EPHB6: variants seen among roughly 807,000 people sequenced by gnomAD.
EPHB6 encodes the protein ephrin type-B receptor 6.
EPHB6 carries 51 observed loss-of-function variants against 107.0 expected under a neutral mutation model. The observed-to-expected ratio is 0.48, with a 90% CI of 0.38 to 0.60. The LOEUF (loss-of-function observed/expected upper bound fraction) is 0.60, where lower values mean the gene tolerates loss of function less well. EPHB6 is among the 20% of genes least tolerant of loss of function. The pLI, the probability that EPHB6 is intolerant of heterozygous loss-of-function variation, is 0.00. For missense variants in EPHB6, 1,141 were observed against 1,355.5 expected, an observed-to-expected ratio of 0.84 and a Z score of 2.48; for synonymous variants, 553 against 549.0, an observed-to-expected ratio of 1.01 and a Z score of -0.10.
At chr7:142,863,390 TG>T in intron 5 of EPHB6, 63 bp downstream of exon 5, 1 of 1,509,306 alleles carries the variant, frequency 6.6e-7, no homozygotes, top group Non-Finnish European at 9.2e-7. Flanking sequence ...AAGGGGGAAG[TG>T]GGAAAGATTT....
In EPHB6 at chr7:142,863,291, G is replaced by A. The variant is rs1280083646; in HGVS notation, c.64G>A (p.Val22Met). ...GGCGGGCATGGTGTGTAGCCTATGGGTGCTGCTCCTGGTGTCTTCAGTTCT... is the reference window on the plus strand; with the variant it reads ...GGCGGGCATGGTGTGTAGCCTATGGATGCTGCTCCTGGTGTCTTCAGTTCT... Reference protein sequence around the residue: ...RVAGMVCSLWVLLLVSSVLAL... With the variant: ...RVAGMVCSLWMLLLVSSVLAL... The change falls in exon 5 of 20, where the codon GTG becomes ATG. Residue 22 changes from valine (V) to methionine (M), a missense_variant. This residue lies in a region of EPHB6 where 221 missense variants were observed against 300.5 expected (regional missense o/e 0.74). Coordinates refer to ENST00000652003, the MANE Select transcript of EPHB6 (RefSeq NM_004445.6). 1.9e-6 allele frequency: 3 copies of A among 1,614,022 alleles called. No individual in the cohort carries two copies. Among genetic ancestry groups the A allele is most frequent in the South Asian group, 2.2e-5 (2 of 91,062 alleles).
chr7:142,867,767 C>T lies in EPHB6; in HGVS notation c.1865+45C>T, dbSNP rs550010531. The T allele has an allele frequency of 7.1e-6, 11 of 1,546,426 alleles. No individual in the cohort carries two copies. In the South Asian group the frequency reaches 1.3e-4, roughly 18 times the overall value. ...CAACTCTGCCCAGCACCATTAACTC[C>T]ACAGCCAAACCTCAAGTCCTGCCAA... On this transcript the variant is annotated intron_variant, in intron 12 of 19. Transcript: ENST00000652003. This position sits in a 1 kb window ranked among gnomAD's most constrained non-coding sequence, Gnocchi z 5.3.
Position 142,870,208 on chromosome 7 carries a change from C to T in EPHB6, c.2611-6C>T, listed in dbSNP as rs1563349292. 3 of 1,614,082 alleles carry T rather than the reference C, an allele frequency of 1.9e-6. No homozygotes were observed. The highest frequency in any genetic ancestry group is 2.5e-6 in the Non-Finnish European group (3 of 1,179,978). ...CCCATCGTCATAGTCTTCCTCTGAC[C>T]CCCAGGTACTAAATGCAATAGAGCA... On this transcript the variant is annotated splice_polypyrimidine_tract_variant and splice_region_variant and intron_variant, in intron 17 of 19. Transcript: ENST00000652003.
chr7:142,867,065 C>T lies in EPHB6; in HGVS notation c.1747C>T (p.Gln583Ter). 6.2e-7 allele frequency: 1 copy of T among 1,613,158 alleles called. No individual in the cohort carries two copies. Among genetic ancestry groups the T allele is most frequent in the South Asian group, 1.1e-5 (1 of 91,076 alleles). Residue 583 changes from glutamine to a stop codon, truncating the protein, a stop_gained, in exon 11 of 20, where the codon CAA (glutamine) becomes TAA (stop). Transcript: ENST00000652003. LOFTEE classifies it high-confidence loss of function. This position sits in a 1 kb window ranked among gnomAD's most constrained non-coding sequence, Gnocchi z 5.3. ...CAAAGTCTATTTCCAGACACTTCCT[C>T]AAGGTGAGCGGGGGTCAAGGGCCAG... ...GGKVYFQTLP[Q>*]GELSSQLPER...
rs757410982 is a variant in EPHB6 at position 142,868,471 on chromosome 7, A to C, written c.2039-21A>C. On this transcript the variant is annotated intron_variant, in intron 14 of 19. Transcript: ENST00000652003. The surrounding 1 kb of genome is among the most constrained non-coding windows in gnomAD (Gnocchi z 4.2). ...CGCTGTGAGCCTTGATCCCCACCCC[A>C]ACCTACACCTATTTTCCCAGGCTCT... 17 of 1,613,974 alleles carry C rather than the reference A, an allele frequency of 1.1e-5. No individual in the cohort carries two copies. The highest frequency in any genetic ancestry group is 1.4e-5 in the Non-Finnish European group (16 of 1,179,976).
chr7:142,869,186 T>C lies in EPHB6; in HGVS notation c.2460+39T>C. 2 of 1,601,336 alleles carry C rather than the reference T, an allele frequency of 1.2e-6. No individual in the cohort carries two copies. Among genetic ancestry groups the C allele is most frequent in the East Asian group, 2.2e-5 (1 of 44,610 alleles). The stretch of plus-strand genomic sequence containing the variant: ...CTTGGGGACACAGCCTGGGGCCTTG[T>C]GGCATGCCCCAGCAGGTGCTGGGGT... On this transcript the variant is annotated intron_variant, in intron 16 of 19. Coordinates refer to ENST00000652003, the MANE Select transcript of EPHB6 (RefSeq NM_004445.6). The surrounding 1 kb of genome is among the most constrained non-coding windows in gnomAD (Gnocchi z 4.5).
rs139172094 is a variant in EPHB6, at chr7:142,866,514, G to A, written c.1496G>A (p.Ser499Asn). 1.6e-4 allele frequency: 263 copies of A among 1,614,180 alleles called. 3 individuals carry two copies. In the East Asian group the frequency reaches 5.7e-3, roughly 35 times the overall value. ...GCTGTCCCTGTGGTGCACCAGGTGA[G>A]CCGGGCATCCAACAGCATCACGGTG... ...PSAVPVVHQV[S>N]RASNSITVSW... Residue 499 changes from serine to asparagine, a missense_variant, in exon 10 of 20, where the codon AGC becomes AAC. This residue lies in a region of EPHB6 where 616 missense variants were observed against 759.3 expected (regional missense o/e 0.81). Transcript: ENST00000652003. The surrounding 1 kb of genome is among the most constrained non-coding windows in gnomAD (Gnocchi z 5.2).
At position 142,870,277 on chromosome 7, in the gene EPHB6, C is replaced by T. The variant is rs1794839081; in HGVS notation, c.2674C>T (p.His892Tyr). 1 of 1,614,122 alleles carries T rather than the reference C, an allele frequency of 6.2e-7. No individual in the cohort carries two copies. The highest frequency in any genetic ancestry group is 1.1e-5 in the South Asian group (1 of 91,096). ...PPPPGCPPGL[H>Y]LLMLDTWQKD... ...GCCTCCAGGCTGTCCTCCTGGATTA[C>T]ATCTACTTATGTTGGACACTTGGCA... The change falls in exon 18 of 20, where the codon CAT becomes TAT. Residue 892 changes from histidine (H) to tyrosine (Y), a missense_variant. This residue lies in a region of EPHB6 where 616 missense variants were observed against 759.3 expected (regional missense o/e 0.81). Transcript: ENST00000652003.
At position 142,866,493 on chromosome 7, in the gene EPHB6, T is replaced by C. The variant is rs1401805543; in HGVS notation, c.1475T>C (p.Val492Ala). Residue 492 changes from valine to alanine, a missense_variant, in exon 10 of 20, where the codon GTC becomes GCC. Transcript: ENST00000652003. This position sits in a 1 kb window ranked among gnomAD's most constrained non-coding sequence, Gnocchi z 5.2. ...VSTSHEVPSA[V>A]PVVHQVSRAS... ...TTTTGCACTCTAGTGCCCTCTGCTG[T>C]CCCTGTGGTGCACCAGGTGAGCCGG... is the stretch of plus-strand genomic sequence containing the variant. 6.2e-7 allele frequency: 1 copy of C among 1,614,160 alleles called. No individual in the cohort carries two copies. Among genetic ancestry groups the C allele is most frequent in the Non-Finnish European group, 8.5e-7 (1 of 1,180,032 alleles).
At chr7:142,861,573 A>G (rs1802842738) in intron 2 of EPHB6, among the ~76,000 whole-genome samples, 1 of 152,186 alleles carries the variant, frequency 6.6e-6, no homozygotes, top group Non-Finnish European at 1.5e-5. Context: ...TTCTTAACAA[A>G]GGGGAGCTTA....
rs990401590 is a variant in EPHB6 at position 142,864,878 on chromosome 7, C to A, written c.949+129C>A. The A allele has an allele frequency of 4.5e-6, 5 of 1,110,352 alleles. No homozygotes were observed. The African/African-American group carries it at 4.7e-5, about 10-fold the overall frequency. The allele number at this position is 1,110,352 out of a possible 1,614,324, so 68.8% of individuals were successfully genotyped here. A position where few individuals can be genotyped will look rare whatever the true frequency, so the allele number is the denominator to read the frequency against. On this transcript the variant is annotated intron_variant, in intron 7 of 19. Coordinates refer to ENST00000652003, the MANE Select transcript of EPHB6 (RefSeq NM_004445.6). ...AGGAATAAGCCATCTTAGGAAAGGA[C>A]CCTGATTTTCCCTAATTTTATTTCT...
At chr7:142,856,557 T>C (rs1050621788) in intron 1 of EPHB6, among the ~76,000 whole-genome samples, 2 of 152,154 alleles carry the variant, frequency 1.3e-5, no homozygotes, top group African/African-American at 2.4e-5. Flanking sequence ...GCTGTTCTGC[T>C]ATCACTCTGT....
chr7:142,860,680 G>A (rs2116392008), intron 1 of EPHB6, among the ~76,000 whole-genome samples: 1 of 152,272 alleles, frequency 6.6e-6, no homozygotes, highest in South Asian at 2.1e-4. Context: ...GCTGTAAATT[G>A]AACTCTCTAT....
chr7:142,866,923 C>T lies in EPHB6; in HGVS notation c.1605C>T (p.His535=), dbSNP rs2116453543. The change falls in exon 11 of 20, where the codon CAC becomes CAT. Residue 535 remains histidine (H), a synonymous_variant. Coordinates refer to ENST00000652003, the MANE Select transcript of EPHB6 (RefSeq NM_004445.6). This position sits in a 1 kb window ranked among gnomAD's most constrained non-coding sequence, Gnocchi z 5.2. The part of the protein sequence containing the change: ...RYYDQAEDES[H]SFTLTSETNT... ...ACCCCCAGGCAGAAGACGAATCCCA[C>T]TCCTTCACCCTGACCAGCGAGACCA... The T allele has an allele frequency of 1.9e-6, 3 of 1,613,626 alleles. No individual in the cohort carries two copies. The highest frequency in any genetic ancestry group is 2.2e-5 in the East Asian group (1 of 44,832).
chr7:142,863,433 A>G, intron 5 of EPHB6, 106 bp downstream of exon 5: 1 of 1,255,252 alleles, frequency 8.0e-7, no homozygotes, highest in Non-Finnish European at 1.2e-6. Context: ...AGACATCAAT[A>G]AAGGGAAAGG....
At position 142,867,554 on chromosome 7, in the gene EPHB6, C is replaced by T; in HGVS notation, c.1751-54C>T. 6.7e-7 allele frequency: 1 copy of T among 1,496,152 alleles called. No homozygotes were observed. The highest frequency in any genetic ancestry group is 9.2e-7 in the Non-Finnish European group (1 of 1,088,646). The allele number at this position is 1,496,152 out of a possible 1,614,324, so 92.7% of individuals were successfully genotyped here. Reference sequence around the variant, plus strand: ...GTGTGTGGGTGCCTGGGCACATGAACAAGCACCTGTGAGAGACCTGGCCCA... The same window carrying T: ...GTGTGTGGGTGCCTGGGCACATGAATAAGCACCTGTGAGAGACCTGGCCCA... On this transcript the variant is annotated intron_variant, in intron 11 of 19. Transcript: ENST00000652003. This position sits in a 1 kb window ranked among gnomAD's most constrained non-coding sequence, Gnocchi z 5.3.
intron 7 of EPHB6, among the ~76,000 whole-genome samples, chr7:142,865,118 A>G (rs374624991): frequency 9.9e-5 from 15 of 152,190 alleles, no homozygotes; most frequent in African/African-American, 3.6e-4. Context: ...GGGCCAGGTG[A>G]CAGGGACGCA....
chr7:142,865,845 G>T, intron 8 of EPHB6, 115 bp from the exon 9 acceptor site: 1 of 942,952 alleles, frequency 1.1e-6, no homozygotes, highest in East Asian at 5.5e-5. Flanking sequence ...CCCACCCCAC[G>T]CTCTTCTGTC....
chr7:142,856,428 A>G (rs374527489), intron 1 of EPHB6, among the ~76,000 whole-genome samples: 1 of 152,170 alleles, frequency 6.6e-6, no homozygotes, highest in Non-Finnish European at 1.5e-5. Flanking sequence ...TTTGGAGTCT[A>G]TTACTCCATT....
Sources: allele counts gnomAD v4.1 joint callset (sites outside exome capture counted in the v4.1 genomes callset), GRCh38; gene constraint gnomAD v4.1.1; regional missense constraint gnomAD v4.1.1; non-coding constraint Gnocchi (gnomAD v3.1); transcripts MANE v1.5; gene names NCBI Gene and HGNC (gene_info 2026-07-23, HGNC 2026-07-21).